SHE: variants seen among roughly 807,000 people sequenced by gnomAD.
The protein encoded by SHE is Src homology 2 domain containing E, also known as SH2 domain-containing adapter protein E.
A neutral mutation model predicts 49.8 loss-of-function variants in SHE; 11 were observed. The observed-to-expected ratio is 0.22, with a 90% CI of 0.14 to 0.37. The LOEUF is 0.37. Among genes scored for constraint, SHE ranks in the 10% least tolerant of loss-of-function variants. The pLI is 1.00. For synonymous variants in SHE, 310 were observed against 278.1 expected (o/e 1.11, Z -1.14); for missense variants, 624 against 655.5 (o/e 0.95, Z 0.52).
At chr1:154,472,549 G>A (rs1282777292) in intron 1 of SHE, among the ~76,000 whole-genome samples, 5 of 152,160 alleles carry the variant, frequency 3.3e-5, no homozygotes, top group South Asian at 2.1e-4. Context: ...TCATACTTCC[G>A]GACCTGGTGG....
At chr1:154,491,469 C>T (rs538694986) in intron 2 of SHE, among the ~76,000 whole-genome samples, 28 of 152,304 alleles carry the variant, frequency 1.8e-4, no homozygotes, top group African/African-American at 6.0e-4. Flanking sequence ...TTCTCCTCTC[C>T]GGAGAAGGCT....
At chr1:154,486,305 C>A (rs1405562461) in intron 4 of SHE, among the ~76,000 whole-genome samples, 1 of 152,190 alleles carries the variant, frequency 6.6e-6, no homozygotes, top group Non-Finnish European at 1.5e-5. Context: ...AGTTTTCACT[C>A]TCTACAGAAG....
chr1:154,481,010 A>G lies in SHE; in HGVS notation c.*3139T>C. 1.0e-6 allele frequency: 1 copy of G among 985,478 alleles called. No homozygotes were observed. Among genetic ancestry groups the G allele is most frequent in the Non-Finnish European group, 1.2e-6 (1 of 829,934 alleles). 61.0% of individuals were successfully genotyped at this position (985,478 alleles called of 1,614,324 possible). On this transcript the variant is annotated 3_prime_UTR_variant, in exon 6 of 6. Transcript: ENST00000304760. The stretch of plus-strand genomic sequence containing the variant: ...CACTGAAAGACATTCTTCTCACCAG[A>G]GAATATCCTGGGAGATGGAATAACT...
chr1:154,498,931 T>C (rs1692619864), intron 2 of SHE, among the ~76,000 whole-genome samples, 181 bp downstream of exon 2: 2 of 152,324 alleles, frequency 1.3e-5, no homozygotes, highest in South Asian at 4.1e-4. Context: ...GGATACTAAA[T>C]CATACAGGAA....
intron 2 of SHE, among the ~76,000 whole-genome samples, chr1:154,490,462 T>A (rs1441405045): frequency 6.6e-6 from 1 of 152,232 alleles, no homozygotes; most frequent in Non-Finnish European, 1.5e-5. Flanking sequence ...AGCAGGAAGT[T>A]GGGCTCTAGA....
At position 154,483,942 on chromosome 1, in the gene SHE, G is replaced by T; in HGVS notation, c.*207C>A. 7.4e-7 allele frequency: 1 copy of T among 1,348,296 alleles called. No homozygotes were observed. The highest frequency in any genetic ancestry group is 9.6e-7 in the Non-Finnish European group (1 of 1,044,134). 83.5% of individuals were successfully genotyped at this position (1,348,296 alleles called of 1,614,324 possible). Reference sequence around the variant, plus strand: ...GAACCCAGGAGTCAGATGTTGCAGTGAGCCAAGATTGCGCCATTGCACTCC... The same window carrying T: ...GAACCCAGGAGTCAGATGTTGCAGTTAGCCAAGATTGCGCCATTGCACTCC... On this transcript the variant is annotated 3_prime_UTR_variant, in exon 6 of 6. Coordinates refer to ENST00000304760, the MANE Select transcript of SHE (RefSeq NM_001010846.3).
downstream of SHE, among the ~76,000 whole-genome samples, chr1:154,475,958 A>C (rs1311769601): frequency 6.6e-6 from 1 of 152,182 alleles, no homozygotes; most frequent in African/African-American, 2.4e-5. Flanking sequence ...CACTGTGCCC[A>C]GCCCATTGTA....
At chr1:154,484,488 G>T in intron 5 of SHE, 153 bp from the exon 6 acceptor site, 1 of 628,522 alleles carries the variant, frequency 1.6e-6, no homozygotes, top group Non-Finnish European at 2.7e-6. Flanking sequence ...CACTCTAGTG[G>T]TACTCTCAGA....
downstream of SHE, among the ~76,000 whole-genome samples, chr1:154,477,853 T>C (rs1219455611): frequency 7.2e-6 from 1 of 139,040 alleles, no homozygotes; most frequent in Non-Finnish European, 1.5e-5. Context: ...ATTGCACCAC[T>C]GCACTCCAGC....
chr1:154,486,802 TTAACTA>T (rs1557797809), intron 3 of SHE, 119 bp from the exon 4 acceptor site: 1 of 1,136,946 alleles, frequency 8.8e-7, no homozygotes, highest in Non-Finnish European at 1.2e-6. Flanking sequence ...CCCTTTAACA[TTAACTA>T]TAATATACTG....
At chr1:154,475,734 C>G (rs962617184), downstream of SHE, among the ~76,000 whole-genome samples, 10 of 152,096 alleles carry the variant, frequency 6.6e-5, no homozygotes, top group African/African-American at 2.4e-4. Context: ...GGCTGTAAGA[C>G]AGTAATTGTT....
At chr1:154,478,487 C>T (rs1557793647), downstream of SHE, among the ~76,000 whole-genome samples, 1 of 149,508 alleles carries the variant, frequency 6.7e-6, no homozygotes, top group African/African-American at 2.5e-5. Context: ...CTGGGCTCTA[C>T]CACTTACTAT....
downstream of SHE, among the ~76,000 whole-genome samples, chr1:154,475,752 G>A (rs1383810078): frequency 6.6e-6 from 1 of 152,122 alleles, no homozygotes; most frequent in Non-Finnish European, 1.5e-5. Context: ...GTTGATGCTG[G>A]GTGATGGGAC....
intron 2 of SHE, among the ~76,000 whole-genome samples, chr1:154,495,949 TA>T (rs1228906406): frequency 6.6e-6 from 1 of 151,754 alleles, no homozygotes; most frequent in African/African-American, 2.4e-5. Flanking sequence ...CTGAAACAAG[TA>T]AAAAAAACTC....
chr1:154,473,189 G>T (rs920182723), intron 1 of SHE, among the ~76,000 whole-genome samples: 5 of 151,846 alleles, frequency 3.3e-5, no homozygotes, highest in Non-Finnish European at 7.4e-5. Context: ...TAGTAGAGAC[G>T]GGGTTTCTCC....
At position 154,482,525 on chromosome 1, in the gene SHE, T is replaced by C. The variant is rs1176156000; in HGVS notation, c.*1624A>G. 15 of 985,342 alleles carry C rather than the reference T, an allele frequency of 1.5e-5. No homozygotes were observed. The highest frequency in any genetic ancestry group is 3.5e-5 in the African/African-American group (2 of 57,242). 61.0% of individuals were successfully genotyped at this position (985,342 alleles called of 1,614,324 possible). On this transcript the variant is annotated 3_prime_UTR_variant, in exon 6 of 6. Coordinates refer to ENST00000304760, the MANE Select transcript of SHE (RefSeq NM_001010846.3). ...TAACCAAATCAACATTTTGTGTGTA[T>C]TTATAAGCTACAAAGGTTAACTTTT...
chr1:154,489,063 G>C lies in SHE; in HGVS notation c.1012C>G (p.Arg338Gly). ...PWEWKKEQIVRALSVQFEGAE... is the reference protein window; with the variant it reads ...PWEWKKEQIVGALSVQFEGAE... ...CTGGCGCCCTCACCTGACAGAGCCC[G>C]CACGATCTGCTCCTTCTTCCACTCC... is the stretch of plus-strand genomic sequence containing the variant. Residue 338 changes from arginine (R) to glycine (G), a missense_variant, in exon 3 of 6, where the codon CGG becomes GGG. Arg to Gly is a moderately radical substitution (Grantham distance 125). Coordinates refer to ENST00000304760, the MANE Select transcript of SHE (RefSeq NM_001010846.3). 6.3e-7 allele frequency: 1 copy of C among 1,580,880 alleles called. No homozygotes were observed. The highest frequency in any genetic ancestry group is 8.6e-7 in the Non-Finnish European group (1 of 1,161,048).
intron 1 of SHE, among the ~76,000 whole-genome samples, chr1:154,472,792 C>A (rs767485212): frequency 6.6e-6 from 1 of 152,202 alleles, no homozygotes; most frequent in East Asian, 1.9e-4. Flanking sequence ...CAAAGCAGTA[C>A]ACCAACTGGC....
Position 154,483,747 on chromosome 1 carries a change from T to G in SHE, c.*402A>C. Reference sequence around the variant, plus strand: ...TGGCTCATGCCTGTAATCCAGGCACTCGGGGAGACTGAGGTGGGTGGATCA... The same window carrying G: ...TGGCTCATGCCTGTAATCCAGGCACGCGGGGAGACTGAGGTGGGTGGATCA... On this transcript the variant is annotated 3_prime_UTR_variant, in exon 6 of 6. Coordinates refer to ENST00000304760, the MANE Select transcript of SHE (RefSeq NM_001010846.3). 1 of 995,620 alleles carries G rather than the reference T, an allele frequency of 1.0e-6. No homozygotes were observed. Among genetic ancestry groups the G allele is most frequent in the Non-Finnish European group, 1.2e-6 (1 of 833,780 alleles). 61.7% of individuals were successfully genotyped at this position (995,620 alleles called of 1,614,324 possible).
Sources: gnomAD v4.1 joint callset for allele counts (sites outside exome capture counted in the v4.1 genomes callset) on GRCh38, gnomAD v4.1.1 for gene constraint, MANE v1.5 for transcripts, NCBI Gene and HGNC (gene_info 2026-07-23, HGNC 2026-07-21) for gene names.